Variants in KCNH8 observed in about 807,000 individuals in gnomAD.
KCNH8 encodes voltage-gated delayed rectifier potassium channel KCNH8.
KCNH8 carries 70 observed loss-of-function variants against 103.6 expected under a neutral mutation model. The ratio of observed to expected loss-of-function variants is 0.68; its 90% CI spans 0.56 to 0.82. KCNH8 has a LOEUF of 0.82. Ranked by LOEUF, KCNH8 falls within the 40% of genes least tolerant of loss-of-function variation. The pLI is 0.00. For synonymous variants in KCNH8, 498 were observed against 489.4 expected (o/e 1.02, Z -0.23); for missense variants, 1,217 against 1,329.9 (o/e 0.92, Z 1.32).
At chr3:19,500,906 AG>A in intron 11 of KCNH8, among the ~76,000 whole-genome samples, 1 of 152,336 alleles carries the variant, frequency 6.6e-6, no homozygotes, top group East Asian at 1.9e-4. Context: ...AGCTAGCAGA[AG>A]GCAAGAAATA....
chr3:19,172,307 C>T (rs888733980), intron 1 of KCNH8, among the ~76,000 whole-genome samples: 1 of 152,242 alleles, frequency 6.6e-6, no homozygotes, highest in Non-Finnish European at 1.5e-5. Flanking sequence ...TTATATACTT[C>T]TCTTCTCCAT....
chr3:19,516,528 G>A (rs1202856075), intron 14 of KCNH8, among the ~76,000 whole-genome samples: 1 of 151,952 alleles, frequency 6.6e-6, no homozygotes, highest in Non-Finnish European at 1.5e-5. Flanking sequence ...CATCAAACTG[G>A]TATATTTGCA....
At chr3:19,171,814 A>C (rs1045339223) in intron 1 of KCNH8, among the ~76,000 whole-genome samples, 1 of 152,234 alleles carries the variant, frequency 6.6e-6, no homozygotes, top group Admixed American at 6.5e-5. Context: ...AACTGAGATT[A>C]GTTTTGAAAA....
chr3:19,258,947 C>CTCTATATATATATATATATA (rs1321918245), intron 2 of KCNH8, among the ~76,000 whole-genome samples: 6 of 24,800 alleles, frequency 2.4e-4, no homozygotes, highest in Non-Finnish European at 4.0e-4. Flanking sequence ...CTCTCTCTCT[C>CTCTATATATATATATATATA]TATATATATA....
At chr3:19,241,621 G>A (rs1261552772) in intron 1 of KCNH8, among the ~76,000 whole-genome samples, 1 of 152,096 alleles carries the variant, frequency 6.6e-6, no homozygotes. Flanking sequence ...CTTCCATGGT[G>A]TCATATCAAC....
chr3:19,473,576 T>C (rs2067907993), intron 11 of KCNH8, among the ~76,000 whole-genome samples: 1 of 152,216 alleles, frequency 6.6e-6, no homozygotes, highest in African/African-American at 2.4e-5. Context: ...AAGAGTAAAT[T>C]TGTGAAATCA....
chr3:19,209,809 T>A (rs1353523634), intron 1 of KCNH8, among the ~76,000 whole-genome samples: 2 of 152,092 alleles, frequency 1.3e-5, no homozygotes, highest in East Asian at 3.9e-4. Flanking sequence ...ATTCAGGTGC[T>A]TTTTAAAGAT....
intron 7 of KCNH8, among the ~76,000 whole-genome samples, chr3:19,397,278 G>A (rs1188095740): frequency 3.3e-5 from 5 of 151,886 alleles, no homozygotes; most frequent in African/African-American, 1.2e-4. Flanking sequence ...GTAGTGGCAA[G>A]AAGAGCACTG....
intron 13 of KCNH8, among the ~76,000 whole-genome samples, chr3:19,514,937 C>T (rs979224295): frequency 1.3e-5 from 2 of 150,904 alleles, no homozygotes; most frequent in African/African-American, 4.9e-5. Context: ...TACATATATA[C>T]TTTTAAATTA....
At chr3:19,265,460 A>G (rs1493925) in intron 2 of KCNH8, among the ~76,000 whole-genome samples, 14,169 of 152,032 alleles carry the variant, frequency 0.093, 2,137 homozygotes, top group African/African-American at 0.31. Context: ...GTACATCATA[A>G]CCATTTAATG....
chr3:19,388,020 T>A (rs2066382264), intron 5 of KCNH8, among the ~76,000 whole-genome samples: 1 of 152,080 alleles, frequency 6.6e-6, no homozygotes, highest in Non-Finnish European at 1.5e-5. Flanking sequence ...AATGTTGCTG[T>A]ATCAGTCAAC....
At position 19,513,100 on chromosome 3, in the gene KCNH8, C is replaced by T. The variant is rs1431768344; in HGVS notation, c.2210C>T (p.Ser737Leu). 4 of 1,613,806 alleles carry T rather than the reference C, an allele frequency of 2.5e-6. No homozygotes were observed. The highest frequency in any genetic ancestry group is 2.2e-5 in the East Asian group (1 of 44,830). ...LSPICTRGSS[S>L]RNKKVGSNKA... ...CCCATCTGCACAAGGGGATCTTCTT[C>T]GCGCAACAAGAAGGTTGGAAGCAAT... Residue 737 changes from serine (S) to leucine (L), a missense_variant, in exon 13 of 16, where the codon TCG becomes TTG. Physicochemically the swap from Ser to Leu is moderately radical, Grantham distance 145. Transcript: ENST00000328405.
At chr3:19,234,902 G>T (rs1213646234) in intron 1 of KCNH8, among the ~76,000 whole-genome samples, 3 of 152,382 alleles carry the variant, frequency 2.0e-5, no homozygotes, top group Non-Finnish European at 4.4e-5. Flanking sequence ...GTGGGTTTCT[G>T]CCTTGCACCC....
intron 7 of KCNH8, among the ~76,000 whole-genome samples, chr3:19,432,818 G>A (rs985170348): frequency 1.3e-5 from 2 of 152,110 alleles, no homozygotes; most frequent in African/African-American, 4.8e-5. Context: ...ACTTAACCAT[G>A]AGCCTAATCT....
intron 1 of KCNH8, among the ~76,000 whole-genome samples, chr3:19,191,964 T>G (rs1168668941): frequency 1.3e-5 from 2 of 151,832 alleles, no homozygotes; most frequent in Non-Finnish European, 1.5e-5. Flanking sequence ...ATTTTTTTTT[T>G]AGTCTGTTTA....
intron 3 of KCNH8, among the ~76,000 whole-genome samples, chr3:19,291,055 T>C (rs2064915737): frequency 6.6e-6 from 1 of 152,234 alleles, no homozygotes; most frequent in Non-Finnish European, 1.5e-5. Flanking sequence ...TATTCTCTGA[T>C]GGTAGTTTGT....
intron 6 of KCNH8, among the ~76,000 whole-genome samples, chr3:19,392,306 C>T (rs550410282): frequency 1.8e-4 from 21 of 113,902 alleles, no homozygotes; most frequent in Non-Finnish European, 3.2e-4. Flanking sequence ...AGGTATAGGG[C>T]AACATCTGTG....
chr3:19,428,025 G>T (rs564683929), intron 7 of KCNH8, among the ~76,000 whole-genome samples: 2 of 152,286 alleles, frequency 1.3e-5, no homozygotes, highest in South Asian at 4.1e-4. Flanking sequence ...ATATTAAAAA[G>T]TGTAATGACT....
rs747018611 is a variant in KCNH8 at position 19,476,755 on chromosome 3, C to A, written c.2040+19773C>A. 3.0e-4 allele frequency among the ~76,000 whole-genome samples: 46 copies of A among 151,928 alleles called. 1 individual carries two copies. Among genetic ancestry groups the A allele is most frequent in the East Asian group, 1.8e-3 (9 of 5,136 alleles). ...ATAGTGTGTATTTTTCTCCTTTTTCCTTCTAGAATGATATGAGCCACGTAT... is the reference window on the plus strand; with the variant it reads ...ATAGTGTGTATTTTTCTCCTTTTTCATTCTAGAATGATATGAGCCACGTAT... On this transcript the variant is annotated intron_variant, in intron 11 of 15. Transcript: ENST00000328405.
Sources: allele counts gnomAD v4.1 joint callset (sites outside exome capture counted in the v4.1 genomes callset), GRCh38; gene constraint gnomAD v4.1.1; transcripts MANE v1.5; gene names NCBI Gene and HGNC (gene_info 2026-07-23, HGNC 2026-07-21).